ANO1: variants seen among roughly 807,000 people sequenced by gnomAD.
ANO1 encodes anoctamin 1, also known as anoctamin-1.
A neutral mutation model predicts 124.0 loss-of-function variants in ANO1; 59 were observed. The ratio of observed to expected loss-of-function variants is 0.48; its 90% CI spans 0.39 to 0.59. The LOEUF is 0.59. Among genes scored for constraint, ANO1 ranks in the 20% least tolerant of loss-of-function variants. The probability of loss-of-function intolerance (pLI) is 0.00; values close to 1 mark genes in which losing one functional copy is unlikely to be tolerated. For missense variants in ANO1, 1,059 were observed against 1,328.0 expected, an observed-to-expected ratio of 0.80 and a Z score of 3.15; for synonymous variants, 529 against 532.0, an observed-to-expected ratio of 0.99 and a Z score of 0.08.
intron 2 of ANO1, among the ~76,000 whole-genome samples, chr11:70,098,450 G>A (rs1042861116): frequency 5.9e-5 from 9 of 152,216 alleles, no homozygotes; most frequent in South Asian, 2.1e-4. Flanking sequence ...TGCCTGACAC[G>A]GGAGGTGCTG....
chr11:70,175,602 G>T (rs1167674517), intron 22 of ANO1, among the ~76,000 whole-genome samples: 2 of 152,226 alleles, frequency 1.3e-5, no homozygotes, highest in Admixed American at 6.5e-5. Context: ...TCGACTTCCT[G>T]TTTTCTTCCT....
intron 1 of ANO1, among the ~76,000 whole-genome samples, chr11:70,006,242 T>G (rs186586311): frequency 1.3e-5 from 2 of 152,174 alleles, no homozygotes; most frequent in Non-Finnish European, 2.9e-5. Context: ...CACATCCAAT[T>G]TGATGCTAAA....
the ANO1 span, among the ~76,000 whole-genome samples, chr11:69,974,887 T>TA: frequency 0.053 from 6,810 of 127,474 alleles, 232 homozygotes; most frequent in African/African-American, 0.11. Flanking sequence ...CCTCCGTCTC[T>TA]AAAAAAAAAA....
Position 70,045,363 on chromosome 11 carries a change from T to C in ANO1, c.59-33179T>C, listed in dbSNP as rs532954063. On this transcript the variant is annotated intron_variant, in intron 1 of 27. Transcript: ENST00000531349. ...AGCAAAATTTCTGAAACTGCCATGATGCCCTAGAAGTAAAATCTCTGGAAC... is the reference window on the plus strand; with the variant it reads ...AGCAAAATTTCTGAAACTGCCATGACGCCCTAGAAGTAAAATCTCTGGAAC... Among the ~76,000 whole-genome samples, 4 of 152,358 alleles carry C rather than the reference T, an allele frequency of 2.6e-5. No homozygotes were observed. In the East Asian group the frequency reaches 7.7e-4, roughly 29 times the overall value.
At chr11:70,155,398 C>T (rs2047768993) in intron 14 of ANO1, among the ~76,000 whole-genome samples, 1 of 152,246 alleles carries the variant, frequency 6.6e-6, no homozygotes, top group Non-Finnish European at 1.5e-5. Flanking sequence ...CTGTCTGCTT[C>T]TGACGGGCCG....
intron 2 of ANO1, among the ~76,000 whole-genome samples, chr11:70,099,305 G>T (rs1245422794): frequency 6.6e-6 from 1 of 152,132 alleles, no homozygotes; most frequent in African/African-American, 2.4e-5. Flanking sequence ...TGCCGAACTG[G>T]TCTCATGACC....
intron 11 of ANO1, among the ~76,000 whole-genome samples, chr11:70,140,423 C>T (rs1352539505): frequency 6.6e-6 from 1 of 151,892 alleles, no homozygotes; most frequent in South Asian, 2.1e-4. Context: ...CCCAGCTACT[C>T]AGGAGGCTGA....
chr11:70,036,404 T>A (rs1412980864), intron 1 of ANO1, among the ~76,000 whole-genome samples: 3 of 152,146 alleles, frequency 2.0e-5, no homozygotes, highest in African/African-American at 7.2e-5. Flanking sequence ...TATAAAACCC[T>A]CATTTCAAAT....
At chr11:70,131,843 C>T in intron 10 of ANO1, 76 bp from the exon 11 acceptor site, 5 of 1,511,660 alleles carry the variant, frequency 3.3e-6, no homozygotes, top group Non-Finnish European at 4.4e-6. Flanking sequence ...CGCTTTCTCC[C>T]AGGCCAGCTC....
At chr11:69,969,163 G>A in the ANO1 span, among the ~76,000 whole-genome samples, 209 of 152,302 alleles carry the variant, frequency 1.4e-3, no homozygotes, top group Non-Finnish European at 2.2e-3. Flanking sequence ...GCAGGGCCAC[G>A]GGAGGGTCCC....
the ANO1 span, among the ~76,000 whole-genome samples, chr11:69,969,077 C>G: frequency 6.6e-6 from 1 of 152,188 alleles, no homozygotes. Flanking sequence ...CAGCCGTGGT[C>G]TTTCTTGGTG....
At chr11:70,026,785 C>T (rs559756620) in intron 1 of ANO1, among the ~76,000 whole-genome samples, 4 of 152,252 alleles carry the variant, frequency 2.6e-5, no homozygotes, top group African/African-American at 7.2e-5. Flanking sequence ...CCCCAGCTCT[C>T]GACTCTCCAA....
intron 1 of ANO1, among the ~76,000 whole-genome samples, chr11:70,052,059 C>A (rs1346255550): frequency 6.6e-6 from 1 of 152,254 alleles, no homozygotes; most frequent in African/African-American, 2.4e-5. Flanking sequence ...GACATAAGGT[C>A]AAGGTCCAGC....
chr11:70,151,718 G>A (rs1178376916), intron 12 of ANO1, among the ~76,000 whole-genome samples: 1 of 152,196 alleles, frequency 6.6e-6, no homozygotes, highest in East Asian at 1.9e-4. Context: ...CCAGCGGCTG[G>A]TCAGGGACTC....
At chr11:70,185,370 C>T (rs2049071484) in intron 24 of ANO1, among the ~76,000 whole-genome samples, 1 of 152,198 alleles carries the variant, frequency 6.6e-6, no homozygotes, top group African/African-American at 2.4e-5. Context: ...CCGTCAGGTC[C>T]TGCCTGGCCC....
intron 22 of ANO1, among the ~76,000 whole-genome samples, chr11:70,172,119 T>TAAAAAAAAAAA (rs367908728): frequency 8.3e-6 from 1 of 120,498 alleles, no homozygotes; most frequent in African/African-American, 3.1e-5. Context: ...GAACCTGTCT[T>TAAAAAAAAAAA]AAAAAAAAAA....
At chr11:70,049,779 G>T (rs184122152) in intron 1 of ANO1, among the ~76,000 whole-genome samples, 3 of 152,104 alleles carry the variant, frequency 2.0e-5, no homozygotes, top group Non-Finnish European at 2.9e-5. Flanking sequence ...GGAGTACAGT[G>T]GCGCAATCTC....
chr11:70,078,271 G>A (rs1298931128), upstream of ANO1: 1 of 153,126 alleles, frequency 6.5e-6, no homozygotes. Context: ...CCCTGCCATA[G>A]GCGGGCGGAG....
At chr11:69,992,980 G>C (rs547349461) in intron 1 of ANO1, among the ~76,000 whole-genome samples, 6 of 152,220 alleles carry the variant, frequency 3.9e-5, no homozygotes, top group African/African-American at 1.4e-4. Context: ...ACATACAGTA[G>C]ATGCCCTCCT....
Sources: allele counts gnomAD v4.1 joint callset (sites outside exome capture counted in the v4.1 genomes callset), GRCh38; gene constraint gnomAD v4.1.1; transcripts MANE v1.5; gene names NCBI Gene and HGNC (gene_info 2026-07-23, HGNC 2026-07-21).